The following SACM1L variants were observed in gnomAD, a reference collection of about 807,000 sequenced individuals.
SACM1L encodes the protein SAC1 like phosphatidylinositide phosphatase.
In SACM1L, 32 loss-of-function variants were observed where a neutral mutation model predicts 89.5. That is an observed-to-expected ratio of 0.36 (90% CI 0.27 to 0.48). SACM1L has a LOEUF of 0.48. Among genes scored for constraint, SACM1L ranks in the 20% least tolerant of loss-of-function variants. The pLI, the probability that SACM1L is intolerant of heterozygous loss-of-function variation, is 0.99. For missense variants in SACM1L, 543 were observed against 708.5 expected (o/e 0.77, Z 2.65); for synonymous variants, 213 against 232.8 (o/e 0.92, Z 0.77).
intron 2 of SACM1L, 137 bp from the exon 3 acceptor site, chr3:45,704,998 G>T: frequency 1.7e-6 from 1 of 587,458 alleles, no homozygotes. Flanking sequence ...GTGCATTTAA[G>T]TTAAGGAATG....
chr3:45,709,839 A>G (rs529619442), intron 5 of SACM1L, among the ~76,000 whole-genome samples, 192 bp downstream of exon 5: 15 of 152,336 alleles, frequency 9.8e-5, no homozygotes, highest in African/African-American at 3.4e-4. Flanking sequence ...CTGTGTATAT[A>G]TACAGCCAGA....
rs1699383444 is a variant in SACM1L, at chr3:45,744,525, G to A, written c.*856G>A. ...CACTCATTGAGACACGCAGGCCTCT[G>A]AGAGGGTCTTGTTCTAGATTTCATA... On this transcript the variant is annotated 3_prime_UTR_variant, in exon 20 of 20. Coordinates refer to ENST00000389061, the MANE Select transcript of SACM1L (RefSeq NM_014016.5). The A allele has an allele frequency of 6.6e-6, 1 of 152,620 alleles. No homozygotes were observed. The allele number at this position is 152,620 out of a possible 1,614,324, so 9.5% of individuals were successfully genotyped here.
At position 45,737,800 on chromosome 3, in the gene SACM1L, C is replaced by T. The variant is rs761327299; in HGVS notation, c.1338C>T (p.Ala446=). The T allele has an allele frequency of 1.1e-5, 18 of 1,613,982 alleles. No individual in the cohort carries two copies. Among genetic ancestry groups the T allele is most frequent in the Non-Finnish European group, 1.5e-5 (18 of 1,180,006 alleles). Residue 446 remains alanine, a synonymous_variant, in exon 16 of 20, where the codon GCC becomes GCT. Coordinates refer to ENST00000389061, the MANE Select transcript of SACM1L (RefSeq NM_014016.5). ...GGGCTGACAACGCAAATGCTTGTGC[C>T]AAGCAATATGCGGGAACTGGTGCCT... ...NAWADNANAC[A]KQYAGTGALK... is the part of the protein sequence containing the mutation.
rs1298124339 is a variant in SACM1L, at chr3:45,745,356, A to G, written c.*1687A>G. 1 of 152,674 alleles carries G rather than the reference A, an allele frequency of 6.5e-6. No homozygotes were observed. The highest frequency in any genetic ancestry group is 2.4e-5 in the African/African-American group (1 of 41,458). The allele number at this position is 152,674 out of a possible 1,614,324, so 9.5% of individuals were successfully genotyped here. A position where few individuals can be genotyped will look rare whatever the true frequency, so the allele number is the denominator to read the frequency against. ...AGAATCCTGCGACGATTTTATTTCT[A>G]AATTCATGTACTGTATGTCCATAAG... On this transcript the variant is annotated 3_prime_UTR_variant, in exon 20 of 20. Transcript: ENST00000389061.
intron 11 of SACM1L, among the ~76,000 whole-genome samples, chr3:45,723,974 A>G (rs566772474): frequency 6.6e-6 from 1 of 151,522 alleles, no homozygotes; most frequent in Admixed American, 6.6e-5. Flanking sequence ...AGACACACAC[A>G]CACACACACA....
Position 45,741,094 on chromosome 3 carries a change from G to A in SACM1L, c.1627+1450G>A, listed in dbSNP as rs117143257. On this transcript the variant is annotated intron_variant, in intron 19 of 19. Transcript: ENST00000389061. ...GAGTCTGAGACTTGGTGTATTGGAC[G>A]TTGGAGATGCAATCCTAGTCACTCT... 3.3e-3 allele frequency among the ~76,000 whole-genome samples: 502 copies of A among 152,262 alleles called. 13 individuals carry two copies. The East Asian group carries it at 0.046, about 14-fold the overall frequency.
At chr3:45,736,119 C>T (rs1699192469) in intron 14 of SACM1L, among the ~76,000 whole-genome samples, 1 of 152,204 alleles carries the variant, frequency 6.6e-6, no homozygotes, top group Non-Finnish European at 1.5e-5. Context: ...GTCTACCTGC[C>T]TCAGCTCCCA....
intron 8 of SACM1L, among the ~76,000 whole-genome samples, chr3:45,720,043 C>G (rs906814841): frequency 6.6e-6 from 1 of 152,142 alleles, no homozygotes; most frequent in Non-Finnish European, 1.5e-5. Flanking sequence ...GCTTATTTTG[C>G]TAAACTAAAC....
At chr3:45,725,037 G>C (rs1015483162) in intron 11 of SACM1L, among the ~76,000 whole-genome samples, 1 of 152,028 alleles carries the variant, frequency 6.6e-6, no homozygotes, top group African/African-American at 2.4e-5. Context: ...TATTCCATTG[G>C]TCTCCGTGTC....
At chr3:45,716,198 G>A (rs1698655238) in intron 7 of SACM1L, among the ~76,000 whole-genome samples, 1 of 152,156 alleles carries the variant, frequency 6.6e-6, no homozygotes, top group Non-Finnish European at 1.5e-5. Flanking sequence ...ATGGGGCCAG[G>A]CATAGTGGCG....
rs894393342 is a variant in SACM1L, at chr3:45,689,650, A to G, written c.32+153A>G. ...TTCCTCAGCCGGCGCGGCCTCTCCTAGGCCTCGCCCGAGTAGCCATAGGCC... is the reference window on the plus strand; with the variant it reads ...TTCCTCAGCCGGCGCGGCCTCTCCTGGGCCTCGCCCGAGTAGCCATAGGCC... On this transcript the variant is annotated intron_variant, in intron 1 of 19. Transcript: ENST00000389061. 5.5e-5 allele frequency: 50 copies of G among 907,396 alleles called. 1 individual carries two copies. The South Asian group carries it at 6.9e-4, about 13-fold the overall frequency. The allele number at this position is 907,396 out of a possible 1,614,324, so 56.2% of individuals were successfully genotyped here. A position where few individuals can be genotyped will look rare whatever the true frequency, so the allele number is the denominator to read the frequency against.
intron 2 of SACM1L, among the ~76,000 whole-genome samples, chr3:45,704,399 G>A (rs1297148621): frequency 6.6e-6 from 1 of 152,050 alleles, no homozygotes; most frequent in Non-Finnish European, 1.5e-5. Context: ...TTGATTATGT[G>A]GTAATTCTGG....
At chr3:45,708,001 A>G (rs542543981) in intron 4 of SACM1L, among the ~76,000 whole-genome samples, 31 of 152,274 alleles carry the variant, frequency 2.0e-4, no homozygotes, top group Middle Eastern at 6.8e-3. Flanking sequence ...ATAATTTACT[A>G]TATATAACTT....
intron 2 of SACM1L, among the ~76,000 whole-genome samples, chr3:45,704,294 G>A (rs1317845425): frequency 1.3e-5 from 2 of 152,140 alleles, no homozygotes. Context: ...TAGGCATTCA[G>A]TAAATAGCCT....
chr3:45,713,359 C>T, intron 6 of SACM1L, 163 bp downstream of exon 6: 1 of 515,800 alleles, frequency 1.9e-6, no homozygotes, highest in Non-Finnish European at 3.4e-6. Flanking sequence ...TCACATCATT[C>T]TAGGTTGAAG....
intron 7 of SACM1L, among the ~76,000 whole-genome samples, chr3:45,718,129 CTG>C (rs920417446): frequency 2.0e-5 from 3 of 152,112 alleles, no homozygotes; most frequent in Non-Finnish European, 2.9e-5. Context: ...AATAGTAAAA[CTG>C]GAAACAGCTG....
chr3:45,723,037 T>A, intron 10 of SACM1L, 82 bp downstream of exon 10: 1 of 1,174,692 alleles, frequency 8.5e-7, no homozygotes, highest in South Asian at 1.3e-5. Context: ...AATGTATTTA[T>A]TCCGCATAAA....
At chr3:45,702,421 A>G (rs61546544) in intron 1 of SACM1L, among the ~76,000 whole-genome samples, 3,011 of 152,302 alleles carry the variant, frequency 0.02, 91 homozygotes, top group African/African-American at 0.069. Flanking sequence ...ACAGATAGAA[A>G]TTCTTTTAAG....
At position 45,744,089 on chromosome 3, in the gene SACM1L, A is replaced by G. The variant is rs996968591; in HGVS notation, c.*420A>G. ...TGTCATTGTAGAAGCGGTCACTATT[A>G]GCAGGCATACTTTTCCACACATCTT... On this transcript the variant is annotated 3_prime_UTR_variant, in exon 20 of 20. Transcript: ENST00000389061. 9 of 154,606 alleles carry G rather than the reference A, an allele frequency of 5.8e-5. No homozygotes were observed. The highest frequency in any genetic ancestry group is 2.2e-4 in the African/African-American group (9 of 41,620). 9.6% of individuals were successfully genotyped at this position (154,606 alleles called of 1,614,324 possible). A position where few individuals can be genotyped will look rare whatever the true frequency, so the allele number is the denominator to read the frequency against.
Sources: gnomAD v4.1 joint callset for allele counts (sites outside exome capture counted in the v4.1 genomes callset) on GRCh38, gnomAD v4.1.1 for gene constraint, MANE v1.5 for transcripts, NCBI Gene and HGNC (gene_info 2026-07-23, HGNC 2026-07-21) for gene names.